The following PAK1 variants were observed in gnomAD, a reference collection of about 807,000 sequenced individuals.
PAK1 encodes p21 (RAC1) activated kinase 1.
A neutral mutation model predicts 67.4 loss-of-function variants in PAK1; 29 were observed. The observed-to-expected ratio is 0.43, with a 90% CI of 0.32 to 0.59. The LOEUF is 0.59. PAK1 is among the 20% of genes least tolerant of loss of function. PAK1 has a pLI of 0.07. For synonymous variants in PAK1, 223 were observed against 237.4 expected (o/e 0.94, Z 0.56); for missense variants, 337 against 670.7 (o/e 0.50, Z 5.50).
chr11:77,466,516 T>C (rs996275003), intron 1 of PAK1, among the ~76,000 whole-genome samples: 23 of 151,142 alleles, frequency 1.5e-4, no homozygotes, highest in African/African-American at 5.6e-4. Flanking sequence ...GGCAGGGGAA[T>C]GGCGTGAACC....
chr11:77,488,158 C>A, the PAK1 span, among the ~76,000 whole-genome samples: 1 of 152,206 alleles, frequency 6.6e-6, no homozygotes, highest in Non-Finnish European at 1.5e-5. Context: ...GCTTCTGCAT[C>A]TTATCGAAGA....
At chr11:77,503,637 A>G in the PAK1 span, among the ~76,000 whole-genome samples, 1 of 152,184 alleles carries the variant, frequency 6.6e-6, no homozygotes, top group Admixed American at 6.5e-5. Flanking sequence ...CCAAGATGGG[A>G]GGATTGCTTA....
the PAK1 span, among the ~76,000 whole-genome samples, chr11:77,523,224 A>G: frequency 6.6e-6 from 1 of 152,186 alleles, no homozygotes; most frequent in Admixed American, 6.5e-5. Context: ...ATCTAAAATA[A>G]TAGTTGAAAA....
At chr11:77,335,840 T>C (rs921955046) in intron 13 of PAK1, among the ~76,000 whole-genome samples, 1 of 152,228 alleles carries the variant, frequency 6.6e-6, no homozygotes, top group African/African-American at 2.4e-5. Context: ...TACATATTAA[T>C]TTATTTTATT....
intron 2 of PAK1, among the ~76,000 whole-genome samples, chr11:77,382,902 G>A (rs1031469889): frequency 6.6e-6 from 1 of 152,206 alleles, no homozygotes; most frequent in Non-Finnish European, 1.5e-5. Flanking sequence ...GGAGGCTGAA[G>A]CATGAGAATA....
chr11:77,480,801 G>A, the PAK1 span, among the ~76,000 whole-genome samples: 1 of 152,158 alleles, frequency 6.6e-6, no homozygotes, highest in African/African-American at 2.4e-5. Context: ...TGGGATTACA[G>A]GCGTGAGCCA....
intron 1 of PAK1, among the ~76,000 whole-genome samples, chr11:77,435,118 C>CAAAAAA (rs11452381): frequency 2.6e-4 from 34 of 128,676 alleles, no homozygotes; most frequent in African/African-American, 5.4e-4. Flanking sequence ...TGTGAATATA[C>CAAAAAA]AAAAAAAAAA....
At chr11:77,355,911 G>C (rs1591883719) in intron 6 of PAK1, 69 bp from the exon 7 acceptor site, 1 of 972,124 alleles carries the variant, frequency 1.0e-6, no homozygotes, top group Admixed American at 1.9e-5. Flanking sequence ...TCCTAGATGT[G>C]AGGTTAGAAC....
At chr11:77,363,449 T>C (rs1028326764) in intron 5 of PAK1, among the ~76,000 whole-genome samples, 4 of 152,198 alleles carry the variant, frequency 2.6e-5, no homozygotes, top group African/African-American at 9.6e-5. Context: ...ACTCCCTCCA[T>C]GAGAAGCAGT....
At chr11:77,367,475 G>A (rs1334303632) in intron 5 of PAK1, among the ~76,000 whole-genome samples, 1 of 151,978 alleles carries the variant, frequency 6.6e-6, no homozygotes, top group African/African-American at 2.4e-5. Context: ...ACCTTCCTTA[G>A]AGATAAGAAA....
In PAK1 at chr11:77,351,126, T is replaced by C. The variant is rs533881110; in HGVS notation, c.837-1839A>G. ...AAATAAAAGCAAGCAAAAATTACAA[T>C]ATTACCAATTCATCATATTGGTGTG... On this transcript the variant is annotated intron_variant, in intron 8 of 14. Transcript: ENST00000356341. Among the ~76,000 whole-genome samples, 4 of 152,260 alleles carry C rather than the reference T, an allele frequency of 2.6e-5. No individual in the cohort carries two copies. In the East Asian group the frequency reaches 7.7e-4, roughly 29 times the overall value.
chr11:77,391,645 C>A (rs1335591988), intron 2 of PAK1, among the ~76,000 whole-genome samples: 1 of 152,184 alleles, frequency 6.6e-6, no homozygotes, highest in Non-Finnish European at 1.5e-5. Flanking sequence ...GACACCAAAA[C>A]CTTTATTTTA....
rs368324032 is a variant in PAK1 at position 77,359,136 on chromosome 11, G to A, written c.478-119C>T. ...GATATCCCTTCTGAAATACACATTA[G>A]CCTCCAAGCTCTCACCTTTGTGTAG... On this transcript the variant is annotated intron_variant, in intron 5 of 14. Transcript: ENST00000356341. 125 of 850,784 alleles carry A rather than the reference G, an allele frequency of 1.5e-4. 1 individual carries two copies. The South Asian group carries it at 2.0e-3, about 14-fold the overall frequency. The allele number at this position is 850,784 out of a possible 1,614,324, so 52.7% of individuals were successfully genotyped here.
chr11:77,517,040 GA>G, the PAK1 span, among the ~76,000 whole-genome samples: 30 of 151,982 alleles, frequency 2.0e-4, no homozygotes, highest in African/African-American at 7.2e-4. Flanking sequence ...ACTAACTAAA[GA>G]AAAAATAAGG....
At chr11:77,422,819 GC>G (rs1955341514) in intron 1 of PAK1, among the ~76,000 whole-genome samples, 4 of 152,122 alleles carry the variant, frequency 2.6e-5, no homozygotes, top group Admixed American at 2.6e-4. Flanking sequence ...CTGCCTTTCC[GC>G]CCCTTTCTTC....
At chr11:77,445,400 T>C (rs993733208) in intron 1 of PAK1, among the ~76,000 whole-genome samples, 1 of 152,248 alleles carries the variant, frequency 6.6e-6, no homozygotes, top group African/African-American at 2.4e-5. Context: ...CTAAAGTTTG[T>C]ACCCAGTTTA....
At chr11:77,524,008 A>G in the PAK1 span, among the ~76,000 whole-genome samples, 1 of 152,206 alleles carries the variant, frequency 6.6e-6, no homozygotes, top group South Asian at 2.1e-4. Flanking sequence ...ACAGCAATAG[A>G]GAGACACAGA....
At chr11:77,389,771 T>C (rs1044228516) in intron 2 of PAK1, among the ~76,000 whole-genome samples, 8 of 152,248 alleles carry the variant, frequency 5.3e-5, no homozygotes, top group Non-Finnish European at 1.0e-4. Flanking sequence ...TTATAAAATA[T>C]GTAATTTGGG....
the PAK1 span, among the ~76,000 whole-genome samples, chr11:77,490,396 G>T: frequency 9.1e-6 from 1 of 109,652 alleles, no homozygotes; most frequent in African/African-American, 3.9e-5. Context: ...CTGCCTGGCC[G>T]CCCCTACTGG....
Sources: allele counts gnomAD v4.1 joint callset (sites outside exome capture counted in the v4.1 genomes callset), GRCh38; gene constraint gnomAD v4.1.1; transcripts MANE v1.5; gene names NCBI Gene and HGNC (gene_info 2026-07-23, HGNC 2026-07-21).